Variants in FAT3 observed in about 807,000 individuals in gnomAD.
The protein encoded by FAT3 is FAT atypical cadherin 3, also known as protocadherin Fat 3.
In FAT3, 95 loss-of-function variants were observed where a neutral mutation model predicts 310.2. That is an observed-to-expected ratio of 0.31 (90% CI 0.26 to 0.36). FAT3 has a LOEUF of 0.36. FAT3 is among the 10% of genes least tolerant of loss of function. FAT3 has a pLI of 1.00. For missense variants in FAT3, 5,408 were observed against 5,715.6 expected (o/e 0.95, Z 1.74); for synonymous variants, 2,314 against 2,192.9 (o/e 1.06, Z -1.54).
rs529765442 is a variant in FAT3, at chr11:92,710,018, G to A, written c.3669+12573G>A. Among the ~76,000 whole-genome samples the A allele has an allele frequency of 5.3e-4, 81 of 152,258 alleles. 2 individuals carry two copies. The South Asian group carries it at 0.017, about 31-fold the overall frequency. ...ATGCTGATAAGTCTTGAAATTAGAT[G>A]TAGGGCTAAGCTCCAGGCTAACGTA... On this transcript the variant is annotated intron_variant, in intron 4 of 27. Coordinates refer to ENST00000525166, the MANE Select transcript of FAT3 (RefSeq NM_001367949.2).
Position 92,896,341 on chromosome 11 carries a change from G to A in FAT3, c.*5228G>A, listed in dbSNP as rs1391013793. ...AAAAGAAAAGAAAAAAAAAACAAAAGCAAACAAAAAAAAAGACAGCCAAAA... is the reference window on the plus strand; with the variant it reads ...AAAAGAAAAGAAAAAAAAAACAAAAACAAACAAAAAAAAAGACAGCCAAAA... On this transcript the variant is annotated 3_prime_UTR_variant, in exon 28 of 28. Transcript: ENST00000525166. The A allele has an allele frequency of 5.9e-5, 8 of 134,756 alleles. No homozygotes were observed. Among genetic ancestry groups the A allele is most frequent in the South Asian group, 2.4e-4 (1 of 4,220 alleles). 8.3% of individuals were successfully genotyped at this position (134,756 alleles called of 1,614,324 possible). A position where few individuals can be genotyped will look rare whatever the true frequency, so the allele number is the denominator to read the frequency against.
rs377092202 is a variant in FAT3 at position 92,697,452 on chromosome 11, G to A, written c.3669+7G>A. 107 of 1,613,432 alleles carry A rather than the reference G, an allele frequency of 6.6e-5. 1 individual carries two copies. The Middle Eastern group carries it at 8.2e-4, about 12-fold the overall frequency. ...GGCAGAACATTTTCTGGAGGTAAGC[G>A]CATAGAGGGAACTGAAATTCATTAA... On this transcript the variant is annotated splice_region_variant and intron_variant, in intron 4 of 27. Transcript: ENST00000525166.
intron 3 of FAT3, among the ~76,000 whole-genome samples, chr11:92,557,731 T>G (rs963775152): frequency 2.0e-5 from 3 of 152,226 alleles, no homozygotes; most frequent in Admixed American, 1.3e-4. Context: ...GTGATAAAAC[T>G]TGCACTTTTG....
At chr11:92,762,201 A>G (rs2136086928) in intron 5 of FAT3, 31 bp downstream of exon 5, 1 of 1,574,036 alleles carries the variant, frequency 6.4e-7, no homozygotes. Flanking sequence ...GCAGCACAGC[A>G]GATGGGGGGA....
intron 3 of FAT3, among the ~76,000 whole-genome samples, chr11:92,600,308 A>G (rs761572838): frequency 2.6e-5 from 4 of 152,206 alleles, no homozygotes; most frequent in Admixed American, 1.3e-4. Context: ...AGTTAAGTGC[A>G]TAAACTTCTA....
chr11:92,416,323 G>A (rs1369940697), intron 2 of FAT3, among the ~76,000 whole-genome samples: 1 of 150,754 alleles, frequency 6.6e-6, no homozygotes, highest in African/African-American at 2.4e-5. Flanking sequence ...AGCGGAGGTT[G>A]CAGTGAGGCG....
intron 3 of FAT3, among the ~76,000 whole-genome samples, chr11:92,656,710 T>G (rs1042514044): frequency 2.6e-5 from 4 of 152,218 alleles, no homozygotes; most frequent in African/African-American, 9.6e-5. Flanking sequence ...ATGGCATTCT[T>G]TGGATTTTTA....
chr11:92,535,167 G>A (rs551168699), intron 3 of FAT3, among the ~76,000 whole-genome samples: 1 of 152,268 alleles, frequency 6.6e-6, no homozygotes, highest in South Asian at 2.1e-4. Context: ...ATGCCAAGGT[G>A]CTGTACTTGA....
chr11:92,403,255 T>A (rs1340175473), intron 2 of FAT3: 1 of 152,166 alleles, frequency 6.6e-6, no homozygotes, highest in Admixed American at 6.5e-5. Flanking sequence ...GATTTTGTAT[T>A]TGAGGTTTTC....
chr11:92,418,695 C>T (rs1950472875), intron 2 of FAT3, among the ~76,000 whole-genome samples: 1 of 152,036 alleles, frequency 6.6e-6, no homozygotes, highest in South Asian at 2.1e-4. Flanking sequence ...CATACCTGTG[C>T]GTGCTCATTT....
chr11:92,638,272 G>A (rs1941840597), intron 3 of FAT3, among the ~76,000 whole-genome samples: 1 of 152,168 alleles, frequency 6.6e-6, no homozygotes, highest in African/African-American at 2.4e-5. Flanking sequence ...GAACTCATAC[G>A]TCTTTTCATA....
At chr11:92,822,688 C>A (rs1947999958) in intron 13 of FAT3, among the ~76,000 whole-genome samples, 1 of 152,186 alleles carries the variant, frequency 6.6e-6, no homozygotes, top group Non-Finnish European at 1.5e-5. Flanking sequence ...TCCAATCTTT[C>A]TTTTTCTCTT....
chr11:92,470,790 C>G lies in FAT3; in HGVS notation c.3293-53844C>G, dbSNP rs150572368. Among the ~76,000 whole-genome samples the G allele has an allele frequency of 6.6e-5, 10 of 152,276 alleles. No homozygotes were observed. The East Asian group carries it at 1.5e-3, about 23-fold the overall frequency. Reference sequence around the variant, plus strand: ...TCTGGTACTTTTCAAAATTCTGTCTCTTAGATGCATTTTATCCTGATAGTC... The same window carrying G: ...TCTGGTACTTTTCAAAATTCTGTCTGTTAGATGCATTTTATCCTGATAGTC... On this transcript the variant is annotated intron_variant, in intron 2 of 27. Coordinates refer to ENST00000525166, the MANE Select transcript of FAT3 (RefSeq NM_001367949.2).
At chr11:92,428,426 T>C (rs1033626779) in intron 2 of FAT3, among the ~76,000 whole-genome samples, 1 of 152,190 alleles carries the variant, frequency 6.6e-6, no homozygotes, top group Non-Finnish European at 1.5e-5. Flanking sequence ...CTGCTAGCTT[T>C]TGTACTTGTT....
intron 3 of FAT3, among the ~76,000 whole-genome samples, chr11:92,590,848 ACT>A (rs1263285296): frequency 6.6e-6 from 1 of 152,032 alleles, no homozygotes; most frequent in East Asian, 1.9e-4. Flanking sequence ...TTTGTAAACA[ACT>A]CTCTGTCTCA....
At chr11:92,816,985 CA>C (rs1162251052) in intron 13 of FAT3, among the ~76,000 whole-genome samples, 61 of 151,452 alleles carry the variant, frequency 4.0e-4, no homozygotes, top group East Asian at 9.7e-4. Flanking sequence ...CAAAAAAAAT[CA>C]AAACAAAAAT....
chr11:92,354,078 A>G lies in FAT3; in HGVS notation c.1966A>G (p.Thr656Ala). ...NGNFALRITATDGENLADPMS... is the reference protein window; with the variant it reads ...NGNFALRITAADGENLADPMS... ...CAATTTTGCCCTCAGAATTACAGCA[A>G]CTGATGGAGAGAATCTTGCAGACCC... is the stretch of plus-strand genomic sequence containing the variant. Residue 656 changes from threonine (T) to alanine (A), a missense_variant, in exon 2 of 28, where the codon ACT becomes GCT. Around this residue, in one of 5 missense-constraint regions of FAT3, gnomAD observed 4,588 missense variants for 4,809.8 expected, o/e 0.95. Coordinates refer to ENST00000525166, the MANE Select transcript of FAT3 (RefSeq NM_001367949.2). The G allele has an allele frequency of 6.2e-7, 1 of 1,613,730 alleles. No homozygotes were observed. The highest frequency in any genetic ancestry group is 8.5e-7 in the Non-Finnish European group (1 of 1,179,790).
At chr11:92,393,302 C>T (rs1949790634) in intron 2 of FAT3, among the ~76,000 whole-genome samples, 1 of 152,102 alleles carries the variant, frequency 6.6e-6, no homozygotes, top group Non-Finnish European at 1.5e-5. Context: ...GGGAGAGGTT[C>T]TGTTTTGCCA....
At chr11:92,491,370 C>T (rs1000034594) in intron 2 of FAT3, among the ~76,000 whole-genome samples, 2 of 152,024 alleles carry the variant, frequency 1.3e-5, no homozygotes, top group Non-Finnish European at 2.9e-5. Flanking sequence ...CACAGGAGAG[C>T]CCTACCTTTC....
Sources: gnomAD v4.1 joint callset for allele counts (sites outside exome capture counted in the v4.1 genomes callset) on GRCh38, gnomAD v4.1.1 for gene constraint, gnomAD v4.1.1 regional missense constraint, MANE v1.5 for transcripts, NCBI Gene and HGNC (gene_info 2026-07-23, HGNC 2026-07-21) for gene names.